The following ZKSCAN8 variants were observed in gnomAD, a reference collection of about 807,000 sequenced individuals.
ZKSCAN8 encodes the protein zinc finger protein with KRAB and SCAN domains 8.
In ZKSCAN8, 27 loss-of-function variants were observed where a neutral mutation model predicts 57.2. The observed-to-expected ratio is 0.47, with a 90% CI of 0.35 to 0.65. The LOEUF (loss-of-function observed/expected upper bound fraction) is 0.65, where lower values mean the gene tolerates loss of function less well. ZKSCAN8 is among the 30% of genes least tolerant of loss of function. The pLI is 0.01. For synonymous variants in ZKSCAN8, 214 were observed against 248.7 expected (o/e 0.86, Z 1.31); for missense variants, 597 against 696.3 (o/e 0.86, Z 1.60).
At position 28,148,386 on chromosome 6, in the gene ZKSCAN8, T is replaced by C; in HGVS notation, c.-22T>C. 6.3e-7 allele frequency: 1 copy of C among 1,595,250 alleles called. No homozygotes were observed. The highest frequency in any genetic ancestry group is 8.5e-7 in the Non-Finnish European group (1 of 1,169,896). On this transcript the variant is annotated 5_prime_UTR_variant, in exon 2 of 6. Transcript: ENST00000330236. Reference sequence around the variant, plus strand: ...GATAAAGAAGGTAGTGGAAACGAACTTCCTGAGCTTTTCAGGCTCTAATGG... The same window carrying C: ...GATAAAGAAGGTAGTGGAAACGAACCTCCTGAGCTTTTCAGGCTCTAATGG...
intron 2 of ZKSCAN8, 58 bp downstream of exon 2, chr6:28,148,882 G>A (rs1450826605): frequency 5.2e-6 from 8 of 1,544,414 alleles, no homozygotes; most frequent in East Asian, 2.3e-5. Context: ...CTTGGTAGAG[G>A]GACATAGGCA....
intron 2 of ZKSCAN8, 138 bp from the exon 3 acceptor site, chr6:28,149,345 T>C (rs1765514165): frequency 5.2e-6 from 6 of 1,145,554 alleles, no homozygotes; most frequent in South Asian, 1.6e-5. Context: ...TGTTCCTTAC[T>C]GTCCCTAAGA....
intron 4 of ZKSCAN8, 102 bp downstream of exon 4, chr6:28,152,038 C>CA: frequency 7.0e-7 from 1 of 1,425,936 alleles, no homozygotes; most frequent in Non-Finnish European, 9.6e-7. Context: ...AGTACCTACC[C>CA]AAAAAGTTGT....
rs1227042716 is a variant in ZKSCAN8, at chr6:28,152,441, A to G, written c.775+57A>G. ...TAGATTTTTTGTTTGTTTGTTGTTT[A>G]TGTGTATAGTAGCTACAGCCTTTCT... On this transcript the variant is annotated intron_variant, in intron 5 of 5. Transcript: ENST00000330236. 19 of 1,557,618 alleles carry G rather than the reference A, an allele frequency of 1.2e-5. No individual in the cohort carries two copies. The Middle Eastern group carries it at 5.3e-4, about 44-fold the overall frequency.
intron 1 of ZKSCAN8, among the ~76,000 whole-genome samples, chr6:28,143,940 C>T (rs1765303039): frequency 6.6e-6 from 1 of 152,092 alleles, no homozygotes; most frequent in Non-Finnish European, 1.5e-5. Context: ...CCTTTCTCAA[C>T]AAAATCTCAG....
rs1765743991 is a variant in ZKSCAN8 at position 28,155,173 on chromosome 6, ATACCTTACCTCACAGGTTTTCATTCTTT to A, written c.*1158_*1185del. ...CTTTAATATCCACAGTGGTAATCTA[ATACCTTACCTCACAGGTTTTCATTCTTT>A]TGAACTCTGGTGCACTCCATCTGTA... On this transcript the variant is annotated 3_prime_UTR_variant, in exon 6 of 6. Transcript: ENST00000330236. 6.6e-6 allele frequency: 1 copy of A among 152,206 alleles called. No homozygotes were observed. Among genetic ancestry groups the A allele is most frequent in the Non-Finnish European group, 1.5e-5 (1 of 68,002 alleles). The allele number at this position is 152,206 out of a possible 1,614,324, so 9.4% of individuals were successfully genotyped here.
chr6:28,152,896 A>G (rs568646650), intron 5 of ZKSCAN8, among the ~76,000 whole-genome samples, 160 bp from the exon 6 acceptor site: 1 of 152,232 alleles, frequency 6.6e-6, no homozygotes, highest in South Asian at 2.1e-4. Flanking sequence ...ATATTAAGCA[A>G]GGTCACTATT....
upstream of ZKSCAN8, chr6:28,141,830 A>T (rs1260081399): frequency 6.6e-6 from 1 of 152,196 alleles, no homozygotes; most frequent in Non-Finnish European, 1.5e-5. Flanking sequence ...GACCTCCAGG[A>T]CTCCTAGAGA....
rs1042238054 is a variant in ZKSCAN8, at chr6:28,155,423, A to G, written c.*1406A>G. ...TTCCCAAGTACTATTATTCCATACT[A>G]CTATATTCTTCCAAATATTTGGAAC... On this transcript the variant is annotated 3_prime_UTR_variant, in exon 6 of 6. Transcript: ENST00000330236. The G allele has an allele frequency of 5.3e-5, 8 of 152,196 alleles. No homozygotes were observed. Among genetic ancestry groups the G allele is most frequent in the African/African-American group, 1.9e-4 (8 of 41,446 alleles). 9.4% of individuals were successfully genotyped at this position (152,196 alleles called of 1,614,324 possible). A position where few individuals can be genotyped will look rare whatever the true frequency, so the allele number is the denominator to read the frequency against.
rs116789390 is a variant in ZKSCAN8 at position 28,154,503 on chromosome 6, G to A, written c.*486G>A. 0.01 allele frequency: 1,593 copies of A among 153,408 alleles called. 18 individuals are homozygous for A. Among genetic ancestry groups the A allele is most frequent in the South Asian group, 0.065 (318 of 4,866 alleles). The allele number at this position is 153,408 out of a possible 1,614,324, so 9.5% of individuals were successfully genotyped here. On this transcript the variant is annotated 3_prime_UTR_variant, in exon 6 of 6. Transcript: ENST00000330236. ...TGTGTGAAACTTATATTTGTATGTA[G>A]CTTTCTAGGAAAATTTTACAGACAC...
At position 28,153,684 on chromosome 6, in the gene ZKSCAN8, G is replaced by A. The variant is rs1765684545; in HGVS notation, c.1404G>A (p.Gly468=). 1 of 1,613,418 alleles carries A rather than the reference G, an allele frequency of 6.2e-7. No individual in the cohort carries two copies. Among genetic ancestry groups the A allele is most frequent in the African/African-American group, 1.3e-5 (1 of 74,696 alleles). The change falls in exon 6 of 6, where the codon GGG becomes GGA. Residue 468 remains glycine (G), a synonymous_variant. Coordinates refer to ENST00000330236, the MANE Select transcript of ZKSCAN8 (RefSeq NM_006298.4). ...AGCCCTATGAGTGTGATGAGTGTGG[G>A]AAAACCTTCAGGCGGAGCTCACATC... is the stretch of plus-strand genomic sequence containing the variant. ...GEKPYECDEC[G]KTFRRSSHLI...
chr6:28,158,118 T>TA lies in ZKSCAN8; in HGVS notation c.*4102dup, dbSNP rs1238062498. On this transcript the variant is annotated 3_prime_UTR_variant, in exon 6 of 6. Coordinates refer to ENST00000330236, the MANE Select transcript of ZKSCAN8 (RefSeq NM_006298.4). ...GTGGACAAATAATAAGGCCTTTTTT[T>TA]ATTATTATTTCTTGTCTTTTTTGAT... 6.6e-6 allele frequency: 1 copy of TA among 152,218 alleles called. No individual in the cohort carries two copies. The highest frequency in any genetic ancestry group is 1.5e-5 in the Non-Finnish European group (1 of 68,042). 9.4% of individuals were successfully genotyped at this position (152,218 alleles called of 1,614,324 possible).
intron 1 of ZKSCAN8, among the ~76,000 whole-genome samples, chr6:28,145,354 C>T (rs1160326596): frequency 6.6e-6 from 1 of 152,166 alleles, no homozygotes; most frequent in Non-Finnish European, 1.5e-5. Flanking sequence ...GAGAAAGCCA[C>T]AGCCCAGAAA....
Position 28,154,767 on chromosome 6 carries a change from G to A in ZKSCAN8, c.*750G>A, listed in dbSNP as rs1581530754. 6.5e-6 allele frequency: 1 copy of A among 152,680 alleles called. No individual in the cohort carries two copies. Among genetic ancestry groups the A allele is most frequent in the East Asian group, 1.9e-4 (1 of 5,170 alleles). 9.5% of individuals were successfully genotyped at this position (152,680 alleles called of 1,614,324 possible). A position where few individuals can be genotyped will look rare whatever the true frequency, so the allele number is the denominator to read the frequency against. On this transcript the variant is annotated 3_prime_UTR_variant, in exon 6 of 6. Coordinates refer to ENST00000330236, the MANE Select transcript of ZKSCAN8 (RefSeq NM_006298.4). ...AGTGGACACATTAGTAATGGTTATG[G>A]GAGTAATACAGAGAAAGAGGTGAGT...
chr6:28,151,720 C>A, intron 3 of ZKSCAN8, 125 bp from the exon 4 acceptor site: 1 of 744,920 alleles, frequency 1.3e-6, no homozygotes, highest in Non-Finnish European at 2.3e-6. Flanking sequence ...ATCAGCACTT[C>A]ATGTGCAAAA....
In ZKSCAN8 at chr6:28,152,380, C is replaced by T. The variant is rs931903709; in HGVS notation, c.771C>T (p.Ser257=). 6.2e-7 allele frequency: 1 copy of T among 1,607,056 alleles called. No homozygotes were observed. The highest frequency in any genetic ancestry group is 1.3e-5 in the African/African-American group (1 of 74,426). ...NRPENFRNMF[S]LGGETRSENR... ...CAGAAAATTTCAGAAACATGTTCTC[C>T]CTGGGTAAGGAGAGGTGTGGTTATT... Residue 257 remains serine (S), a synonymous_variant, in exon 5 of 6, where the codon TCC becomes TCT. Transcript: ENST00000330236.
chr6:28,153,441 C>G lies in ZKSCAN8; in HGVS notation c.1161C>G (p.Phe387Leu). Reference protein sequence around the residue: ...RYHCKECGKAFSQNTGLILHQ... With the variant: ...RYHCKECGKALSQNTGLILHQ... ...ACTGTAAGGAGTGTGGCAAAGCCTT[C>G]AGTCAGAACACAGGCCTGATTCTGC... The change falls in exon 6 of 6, where the codon TTC (phenylalanine) becomes TTG (leucine). Residue 387 changes from phenylalanine to leucine, a missense_variant. Transcript: ENST00000330236. The G allele has an allele frequency of 1.2e-6, 2 of 1,614,148 alleles. No individual in the cohort carries two copies. The highest frequency in any genetic ancestry group is 1.7e-6 in the Non-Finnish European group (2 of 1,180,014).
At chr6:28,152,419 ATT>A (rs1271989379) in intron 5 of ZKSCAN8, 35 bp downstream of exon 5, 2 of 1,571,192 alleles carry the variant, frequency 1.3e-6, no homozygotes, top group African/African-American at 2.8e-5. Flanking sequence ...GTCATTTTAG[ATT>A]TTTTGTTTGT....
chr6:28,152,243 G>A lies in ZKSCAN8; in HGVS notation c.652-18G>A. 6.3e-7 allele frequency: 1 copy of A among 1,595,878 alleles called. No homozygotes were observed. The highest frequency in any genetic ancestry group is 8.5e-7 in the Non-Finnish European group (1 of 1,173,492). On this transcript the variant is annotated intron_variant, in intron 4 of 5. Transcript: ENST00000330236. Reference sequence around the variant, plus strand: ...GGAACAGTCCCAGTCCCCAAATGGGGATCTTGTTTTGTTTCAGACTTTGGA... The same window carrying A: ...GGAACAGTCCCAGTCCCCAAATGGGAATCTTGTTTTGTTTCAGACTTTGGA...
Sources: gnomAD v4.1 joint callset for allele counts (sites outside exome capture counted in the v4.1 genomes callset) on GRCh38, gnomAD v4.1.1 for gene constraint, MANE v1.5 for transcripts, NCBI Gene and HGNC (gene_info 2026-07-23, HGNC 2026-07-21) for gene names.